The following PIGX variants were observed in gnomAD, a reference collection of about 807,000 sequenced individuals.
PIGX encodes the protein GPI alpha-1,4-mannosyltransferase I, stabilizing subunit.
A neutral mutation model predicts 28.7 loss-of-function variants in PIGX; 24 were observed. That is an observed-to-expected ratio of 0.84 (90% CI 0.60 to 1.17). The LOEUF (loss-of-function observed/expected upper bound fraction) is 1.17, where lower values mean the gene tolerates loss of function less well. Ranked by LOEUF, PIGX falls within the 50% of genes most tolerant of loss-of-function variation. The probability of loss-of-function intolerance (pLI) is 0.00; values close to 1 mark genes in which losing one functional copy is unlikely to be tolerated. For synonymous variants in PIGX, 127 were observed against 121.0 expected (o/e 1.05, Z -0.33); for missense variants, 305 against 317.8 (o/e 0.96, Z 0.31).
chr3:196,732,415 G>T (rs541560155), intron 5 of PIGX, among the ~76,000 whole-genome samples: 139 of 149,424 alleles, frequency 9.3e-4, no homozygotes, highest in African/African-American at 3.2e-3. Flanking sequence ...CTGAGTAGCT[G>T]GGACTATAGG....
intron 2 of PIGX, 22 bp from the exon 3 acceptor site, chr3:196,722,393 T>C (rs1712358457): frequency 1.3e-6 from 2 of 1,575,940 alleles, no homozygotes; most frequent in Non-Finnish European, 1.7e-6. Flanking sequence ...AGAGATTTAC[T>C]TTCAATGTAC....
intron 5 of PIGX, among the ~76,000 whole-genome samples, chr3:196,732,216 T>TTATTTATATATATA (rs1400132891): frequency 5.8e-5 from 3 of 51,328 alleles, no homozygotes; most frequent in African/African-American, 1.8e-4. Flanking sequence ...TATATATTAT[T>TTATTTATATATATA]TATATATATA....
At position 196,732,276 on chromosome 3, in the gene PIGX, TTTTTTTA is replaced by T. The variant is rs1560080827; in HGVS notation, c.633+1189_633+1195del. Among the ~76,000 whole-genome samples, 321 of 74,990 alleles carry T rather than the reference TTTTTTTA, an allele frequency of 4.3e-3. 33 individuals are homozygous for T. Among genetic ancestry groups the T allele is most frequent in the African/African-American group, 0.018 (301 of 16,696 alleles). The allele number at this position is 74,990 out of a possible 152,430, so 49.2% of individuals were successfully genotyped here. ...TATATATTTTATTTTATTTTATTTTTTTTTTTATTTTATTTTTTTTTTTGAGACGGAG... is the reference window on the plus strand; with the variant it reads ...TATATATTTTATTTTATTTTATTTTTTTTTATTTTTTTTTTTGAGACGGAG... On this transcript the variant is annotated intron_variant, in intron 5 of 5. Transcript: ENST00000392391.
At chr3:196,731,925 A>G (rs1712774138) in intron 5 of PIGX, among the ~76,000 whole-genome samples, 2 of 150,768 alleles carry the variant, frequency 1.3e-5, no homozygotes, top group African/African-American at 4.9e-5. Context: ...CTCCCTGTTC[A>G]ATCAGTTCTC....
chr3:196,722,586 G>T (rs747489665), intron 3 of PIGX, 30 bp downstream of exon 3: 6 of 1,594,582 alleles, frequency 3.8e-6, no homozygotes, highest in Admixed American at 1.7e-5. Context: ...TTTTGGGAGA[G>T]AAATTAATTT....
chr3:196,719,281 C>A (rs1712216494), intron 2 of PIGX, among the ~76,000 whole-genome samples: 1 of 149,408 alleles, frequency 6.7e-6, no homozygotes, highest in South Asian at 2.2e-4. Context: ...TGCATCTAGT[C>A]TTCTCCTTCT....
chr3:196,727,971 T>A lies in PIGX; in HGVS notation c.367T>A (p.Ser123Thr). 6.2e-7 allele frequency: 1 copy of A among 1,614,090 alleles called. No individual in the cohort carries two copies. The highest frequency in any genetic ancestry group is 8.5e-7 in the Non-Finnish European group (1 of 1,179,910). ...TGATATAGAGGCCCCTAACTATTTG[T>A]CCAAGGAGTCTGAAGTTCTCATTTA... is the stretch of plus-strand genomic sequence containing the variant. Residue 123 changes from serine (S) to threonine (T), a missense_variant, in exon 4 of 6, where the codon TCC (serine) becomes ACC (threonine). By Grantham distance (58) the Ser-to-Thr change is moderately conservative. Coordinates refer to ENST00000392391, the MANE Select transcript of PIGX (RefSeq NM_017861.4).
At position 196,727,930 on chromosome 3, in the gene PIGX, T is replaced by TG. The variant is rs1344286522; in HGVS notation, c.328dup (p.Val110GlyfsTer6). 3.1e-6 allele frequency: 5 copies of TG among 1,601,142 alleles called. No individual in the cohort carries two copies. The highest frequency in any genetic ancestry group is 3.4e-6 in the Non-Finnish European group (4 of 1,169,446). On this transcript the variant is annotated frameshift_variant, in exon 4 of 6. Coordinates refer to ENST00000392391, the MANE Select transcript of PIGX (RefSeq NM_017861.4). LOFTEE classifies it high-confidence loss of function. ...TATTTTCTTTTTGAACAGGCAGTGA[T>TG]GGTTTCAGAAAATTTTGATATAGAG... is the stretch of plus-strand genomic sequence containing the variant.
Position 196,732,243 on chromosome 3 carries a change from TATATATATATATATTTTATTTTATTTTA to T in PIGX, c.633+1152_633+1179del, listed in dbSNP as rs1560080621. Among the ~76,000 whole-genome samples, 518 of 51,872 alleles carry T rather than the reference TATATATATATATATTTTATTTTATTTTA, an allele frequency of 1.0e-2. 45 individuals carry two copies. The highest frequency in any genetic ancestry group is 0.032 in the African/African-American group (347 of 10,848). 34.0% of individuals were successfully genotyped at this position (51,872 alleles called of 152,430 possible). A position where few individuals can be genotyped will look rare whatever the true frequency, so the allele number is the denominator to read the frequency against. On this transcript the variant is annotated intron_variant, in intron 5 of 5. Coordinates refer to ENST00000392391, the MANE Select transcript of PIGX (RefSeq NM_017861.4). The stretch of plus-strand genomic sequence containing the variant: ...ATATATATATATATATATATATATA[TATATATATATATATTTTATTTTATTTTA>T]TTTTTTTTTTTATTTTATTTTTTTT...
At position 196,712,698 on chromosome 3, in the gene PIGX, G is replaced by A. The variant is rs967027971; in HGVS notation, c.112+54G>A. On this transcript the variant is annotated intron_variant, in intron 1 of 5. Transcript: ENST00000392391. ...AGCGTGGGAGCGGTCCCGGCTCCCG[G>A]GCCTCTCGGCGGGTTGCGGGGATGT... The A allele has an allele frequency of 3.7e-5, 43 of 1,161,024 alleles. No homozygotes were observed. The South Asian group carries it at 1.6e-3, about 44-fold the overall frequency. The allele number at this position is 1,161,024 out of a possible 1,614,324, so 71.9% of individuals were successfully genotyped here.
In PIGX at chr3:196,733,618, G is replaced by A; in HGVS notation, c.634-141G>A. ...GTAGAGATGGTTTAGTAGAGATGTTGGCCAGGCTGGTTTTGAACTCCTGAC... is the reference window on the plus strand; with the variant it reads ...GTAGAGATGGTTTAGTAGAGATGTTAGCCAGGCTGGTTTTGAACTCCTGAC... On this transcript the variant is annotated intron_variant, in intron 5 of 5. Transcript: ENST00000392391. The surrounding 1 kb of genome is among the most constrained non-coding windows in gnomAD (Gnocchi z 4.3). 1 of 617,834 alleles carries A rather than the reference G, an allele frequency of 1.6e-6. No homozygotes were observed. The highest frequency in any genetic ancestry group is 2.9e-6 in the Non-Finnish European group (1 of 344,550). The allele number at this position is 617,834 out of a possible 1,614,324, so 38.3% of individuals were successfully genotyped here. A position where few individuals can be genotyped will look rare whatever the true frequency, so the allele number is the denominator to read the frequency against.
At chr3:196,724,057 G>A (rs1333385675) in intron 3 of PIGX, among the ~76,000 whole-genome samples, 8 of 127,414 alleles carry the variant, frequency 6.3e-5, no homozygotes, top group African/African-American at 2.4e-4. Flanking sequence ...AGTCTCTGTT[G>A]CCTAGGCTGG....
chr3:196,720,582 T>C (rs149990499), intron 2 of PIGX, among the ~76,000 whole-genome samples: 1 of 152,342 alleles, frequency 6.6e-6, no homozygotes, highest in Non-Finnish European at 1.5e-5. Context: ...ATAATTCTAT[T>C]GTAATTTTTT....
chr3:196,721,439 C>CT (rs569827596), intron 2 of PIGX: 547 of 159,964 alleles, frequency 3.4e-3, no homozygotes, highest in South Asian at 0.014. Context: ...CTCTCTCTCT[C>CT]TTTTTTTTTT....
In PIGX at chr3:196,735,558, A is replaced by G. The variant is rs1360896550; in HGVS notation, c.*1656A>G. ...TTTTAAACGTGTATTTGAGACTTAAATATTGGAAAAGGTAACCCAGTGCCA... is the reference window on the plus strand; with the variant it reads ...TTTTAAACGTGTATTTGAGACTTAAGTATTGGAAAAGGTAACCCAGTGCCA... On this transcript the variant is annotated 3_prime_UTR_variant, in exon 6 of 6. Transcript: ENST00000392391. 1 of 152,174 alleles carries G rather than the reference A, an allele frequency of 6.6e-6. No individual in the cohort carries two copies. The highest frequency in any genetic ancestry group is 1.5e-5 in the Non-Finnish European group (1 of 68,034). 9.4% of individuals were successfully genotyped at this position (152,174 alleles called of 1,614,324 possible).
At chr3:196,725,367 A>G (rs2049232) in intron 3 of PIGX, among the ~76,000 whole-genome samples, 3 of 152,058 alleles carry the variant, frequency 2.0e-5, no homozygotes, top group Middle Eastern at 3.4e-3. Flanking sequence ...ATATCAGGCA[A>G]TGAAGGGCAG....
At chr3:196,732,252 A>AT (rs1373119016) in intron 5 of PIGX, among the ~76,000 whole-genome samples, 1 of 22,280 alleles carries the variant, frequency 4.5e-5, no homozygotes, top group African/African-American at 2.3e-4. Flanking sequence ...ATATATATAT[A>AT]TATATTTTAT....
chr3:196,727,832 G>A, intron 3 of PIGX, 91 bp from the exon 4 acceptor site: 2 of 824,568 alleles, frequency 2.4e-6, no homozygotes, highest in South Asian at 3.6e-5. Context: ...TGACACTGCT[G>A]TGTATCTGTA....
At chr3:196,725,335 A>G (rs1236319287) in intron 3 of PIGX, among the ~76,000 whole-genome samples, 1 of 152,216 alleles carries the variant, frequency 6.6e-6, no homozygotes, top group Admixed American at 6.5e-5. Context: ...AAAATATATG[A>G]AATAATGAAA....
Sources: gnomAD v4.1 joint callset for allele counts (sites outside exome capture counted in the v4.1 genomes callset) on GRCh38, gnomAD v4.1.1 for gene constraint, Gnocchi (gnomAD v3.1) non-coding constraint, MANE v1.5 for transcripts, NCBI Gene and HGNC (gene_info 2026-07-23, HGNC 2026-07-21) for gene names.